SEMA3C: variants seen among roughly 807,000 people sequenced by gnomAD.
The protein encoded by SEMA3C is semaphorin 3C.
SEMA3C carries 47 observed loss-of-function variants against 89.4 expected under a neutral mutation model. The ratio of observed to expected loss-of-function variants is 0.53; its 90% CI spans 0.42 to 0.67. The LOEUF (loss-of-function observed/expected upper bound fraction) is 0.67. SEMA3C is among the 30% of genes least tolerant of loss of function. The pLI, the probability that SEMA3C is intolerant of heterozygous loss-of-function variation, is 0.00. For missense variants in SEMA3C, 839 were observed against 929.1 expected, an observed-to-expected ratio of 0.90 and a Z score of 1.26; for synonymous variants, 310 against 320.2, an observed-to-expected ratio of 0.97 and a Z score of 0.34.
chr7:80,847,034 C>T (rs1173559132), intron 2 of SEMA3C, among the ~76,000 whole-genome samples: 1 of 152,124 alleles, frequency 6.6e-6, no homozygotes, highest in Admixed American at 6.6e-5. Context: ...TAATTTACCC[C>T]ACAAGTCTGA....
At chr7:80,777,849 T>C (rs991028459) in intron 12 of SEMA3C, among the ~76,000 whole-genome samples, 1 of 152,132 alleles carries the variant, frequency 6.6e-6, no homozygotes, top group African/African-American at 2.4e-5. Context: ...AAACTAGAAA[T>C]TGTATAATGA....
intron 2 of SEMA3C, among the ~76,000 whole-genome samples, chr7:80,849,977 G>A (rs1320547025): frequency 2.6e-5 from 4 of 151,870 alleles, no homozygotes; most frequent in Non-Finnish European, 5.9e-5. Flanking sequence ...AAAATAAAAT[G>A]GGCAATGCTT....
chr7:80,803,985 T>G, intron 8 of SEMA3C, 121 bp downstream of exon 8: 1 of 849,718 alleles, frequency 1.2e-6, no homozygotes, highest in Non-Finnish European at 1.7e-6. Flanking sequence ...GAATAAATGT[T>G]ACATTAAATG....
At chr7:80,850,745 A>G (rs538653992) in intron 2 of SEMA3C, among the ~76,000 whole-genome samples, 105 of 152,298 alleles carry the variant, frequency 6.9e-4, no homozygotes, top group Non-Finnish European at 1.1e-3. Context: ...CTTTTTCTGT[A>G]TCTATGCTCA....
At chr7:80,874,445 A>AAGTT (rs1294059602) in intron 2 of SEMA3C, among the ~76,000 whole-genome samples, 2 of 87,976 alleles carry the variant, frequency 2.3e-5, no homozygotes, top group African/African-American at 7.9e-5. Context: ...AGACCATAGC[A>AAGTT]AGTTATTTAT....
chr7:80,777,787 T>C (rs1052352853), intron 12 of SEMA3C, among the ~76,000 whole-genome samples: 25 of 152,254 alleles, frequency 1.6e-4, no homozygotes, highest in African/African-American at 4.3e-4. Flanking sequence ...AATTGAAAAA[T>C]AGATTTCTGG....
intron 2 of SEMA3C, among the ~76,000 whole-genome samples, chr7:80,887,675 C>T (rs1791514995): frequency 1.3e-5 from 2 of 152,114 alleles, no homozygotes; most frequent in African/African-American, 4.8e-5. Flanking sequence ...AATTACATCA[C>T]AGATTTTTTA....
At chr7:80,844,863 A>G (rs927219463) in intron 2 of SEMA3C, among the ~76,000 whole-genome samples, 2 of 152,188 alleles carry the variant, frequency 1.3e-5, no homozygotes, top group African/African-American at 2.4e-5. Flanking sequence ...TGTGCTAAGG[A>G]GTTAGCACAT....
chr7:80,792,384 C>T (rs572944215), intron 11 of SEMA3C, among the ~76,000 whole-genome samples: 40 of 152,270 alleles, frequency 2.6e-4, no homozygotes, highest in Non-Finnish European at 5.0e-4. Flanking sequence ...TATAAAACAC[C>T]GCTAATGATG....
At chr7:80,766,387 A>C (rs761029228) in intron 12 of SEMA3C, among the ~76,000 whole-genome samples, 23 of 151,954 alleles carry the variant, frequency 1.5e-4, no homozygotes, top group Admixed American at 6.6e-5. Flanking sequence ...GGCAGGGAAC[A>C]TAAAGCCGAT....
intron 2 of SEMA3C, among the ~76,000 whole-genome samples, chr7:80,839,740 G>A (rs376176341): frequency 7.9e-5 from 12 of 151,890 alleles, no homozygotes; most frequent in Admixed American, 7.9e-4. Flanking sequence ...CAATGTGTGT[G>A]CATTGGGGAA....
chr7:80,916,499 G>A (rs754619936), intron 2 of SEMA3C, among the ~76,000 whole-genome samples, 180 bp downstream of exon 2: 2 of 152,174 alleles, frequency 1.3e-5, no homozygotes, highest in Non-Finnish European at 2.9e-5. Context: ...AAATCCAACA[G>A]AGGATCTTTG....
chr7:80,818,196 T>G, intron 5 of SEMA3C, 103 bp downstream of exon 5: 1 of 1,120,886 alleles, frequency 8.9e-7, no homozygotes, highest in Non-Finnish European at 1.2e-6. Context: ...GGCATGAAAA[T>G]ATTTTATGAA....
At chr7:80,771,169 T>A (rs1480981785) in intron 12 of SEMA3C, among the ~76,000 whole-genome samples, 1 of 152,202 alleles carries the variant, frequency 6.6e-6, no homozygotes, top group Non-Finnish European at 1.5e-5. Context: ...TCAATAACGT[T>A]CTCAGTAAAT....
chr7:80,768,547 C>T (rs1057299445), intron 12 of SEMA3C, among the ~76,000 whole-genome samples: 2 of 151,086 alleles, frequency 1.3e-5, no homozygotes, highest in East Asian at 1.9e-4. Flanking sequence ...CCGATAACAA[C>T]TTAGATGATT....
chr7:80,918,147 T>C (rs1449219334), intron 1 of SEMA3C, among the ~76,000 whole-genome samples: 2 of 152,332 alleles, frequency 1.3e-5, no homozygotes, highest in Admixed American at 6.5e-5. Context: ...AAACTGATTT[T>C]ATGGGTGACT....
rs535869858 is a variant in SEMA3C at position 80,841,475 on chromosome 7, G to A, written c.104-12730C>T. On this transcript the variant is annotated intron_variant, in intron 2 of 17. Transcript: ENST00000265361. ...ATGCAAACTTTCCTTGCAGACCACTGTAATTTACATATATTCTTATACAGG... is the reference window on the plus strand; with the variant it reads ...ATGCAAACTTTCCTTGCAGACCACTATAATTTACATATATTCTTATACAGG... 2.0e-5 allele frequency among the ~76,000 whole-genome samples: 3 copies of A among 152,192 alleles called. No homozygotes were observed. In the South Asian group the frequency reaches 6.2e-4, roughly 32 times the overall value.
chr7:80,815,575 T>TAAAAAAAAAAAAAAAAAAAAAAAAAAAA (rs1789585531), intron 5 of SEMA3C, among the ~76,000 whole-genome samples: 29 of 82,014 alleles, frequency 3.5e-4, no homozygotes, highest in East Asian at 1.5e-3. Flanking sequence ...AAAAAAAAAG[T>TAAAAAAAAAAAAAAAAAAAAAAAAAAAA]AAATGTAGAG....
At chr7:80,823,492 T>C (rs1034489035) in intron 4 of SEMA3C, among the ~76,000 whole-genome samples, 1 of 152,128 alleles carries the variant, frequency 6.6e-6, no homozygotes, top group African/African-American at 2.4e-5. Context: ...CACAGGTGAA[T>C]AGGCCTTTAA....
Sources: gnomAD v4.1 joint callset for allele counts (sites outside exome capture counted in the v4.1 genomes callset) on GRCh38, gnomAD v4.1.1 for gene constraint, MANE v1.5 for transcripts, NCBI Gene and HGNC (gene_info 2026-07-23, HGNC 2026-07-21) for gene names.